The following CFAP58 variants were observed in gnomAD, a reference collection of about 807,000 sequenced individuals.
CFAP58 encodes the protein cilia- and flagella-associated protein 58.
A neutral mutation model predicts 119.5 loss-of-function variants in CFAP58; 88 were observed. The ratio of observed to expected loss-of-function variants is 0.74; its 90% CI spans 0.62 to 0.88. The LOEUF (loss-of-function observed/expected upper bound fraction) is 0.88. CFAP58 is among the 40% of genes least tolerant of loss of function. CFAP58 has a pLI of 0.00. For synonymous variants in CFAP58, 365 were observed against 366.3 expected (o/e 1.00, Z 0.04); for missense variants, 990 against 1,021.2 (o/e 0.97, Z 0.42).
chr10:104,389,634 T>C (rs931512150), intron 9 of CFAP58, among the ~76,000 whole-genome samples: 1 of 152,210 alleles, frequency 6.6e-6, no homozygotes, highest in Non-Finnish European at 1.5e-5. Flanking sequence ...GATTATCCAT[T>C]CTATGGTGAA....
chr10:104,370,956 A>T lies in CFAP58; in HGVS notation c.992A>T (p.Glu331Val). 6.2e-7 allele frequency: 1 copy of T among 1,613,856 alleles called. No individual in the cohort carries two copies. The highest frequency in any genetic ancestry group is 8.5e-7 in the Non-Finnish European group (1 of 1,179,954). The change falls in exon 7 of 18, where the codon GAA becomes GTA. Residue 331 changes from glutamate to valine, a missense_variant. Glu to Val is a moderately radical substitution (Grantham distance 121). Transcript: ENST00000369704. Reference sequence around the variant, plus strand: ...ATCGGGAAGCTCAACAAAATCAGAGAACAAATTCATAAGAAATTGCACCAC... The same window carrying T: ...ATCGGGAAGCTCAACAAAATCAGAGTACAAATTCATAAGAAATTGCACCAC... ...LDIGKLNKIR[E>V]QIHKKLHHTE...
At chr10:104,378,733 C>T (rs775003769) in intron 8 of CFAP58, among the ~76,000 whole-genome samples, 3 of 152,130 alleles carry the variant, frequency 2.0e-5, no homozygotes, top group Non-Finnish European at 2.9e-5. Context: ...AATCTAAAGG[C>T]CCTATTTCAA....
At position 104,454,733 on chromosome 10, in the gene CFAP58, C is replaced by G. The variant is rs2013253729; in HGVS notation, c.*203C>G. ...GTTGATATTAACAGATCATAATTCT[C>G]TCTGTTCAGTTAGGCTGACCTATTG... On this transcript the variant is annotated 3_prime_UTR_variant, in exon 18 of 18. Coordinates refer to ENST00000369704, the MANE Select transcript of CFAP58 (RefSeq NM_001008723.2). 4 of 537,510 alleles carry G rather than the reference C, an allele frequency of 7.4e-6. No individual in the cohort carries two copies. The Admixed American group carries it at 1.0e-4, about 14-fold the overall frequency. 33.3% of individuals were successfully genotyped at this position (537,510 alleles called of 1,614,324 possible).
intron 9 of CFAP58, chr10:104,382,458 G>C: frequency 2.3e-6 from 1 of 436,058 alleles, no homozygotes; most frequent in Non-Finnish European, 4.2e-6. Context: ...AAAAATTCCA[G>C]TGTGGTTTTA....
At chr10:104,446,885 C>T (rs976523048) in intron 15 of CFAP58, among the ~76,000 whole-genome samples, 4 of 152,206 alleles carry the variant, frequency 2.6e-5, no homozygotes, top group Non-Finnish European at 5.9e-5. Context: ...ACAGAATTAT[C>T]ATTTGCTTAG....
intron 13 of CFAP58, 107 bp from the exon 14 acceptor site, chr10:104,403,622 A>T (rs2012306096): frequency 1.6e-6 from 1 of 607,236 alleles, no homozygotes; most frequent in South Asian, 2.8e-5. Flanking sequence ...ATTCTCCCTA[A>T]CTCCAACTTT....
upstream of CFAP58, among the ~76,000 whole-genome samples, chr10:104,352,357 T>C (rs1210516431): frequency 6.6e-6 from 1 of 152,182 alleles, no homozygotes; most frequent in African/African-American, 2.4e-5. Flanking sequence ...CTGGGCATCG[T>C]TGTGCTCTTG....
At chr10:104,364,427 AACACACACACAC>A (rs66757511) in intron 3 of CFAP58, among the ~76,000 whole-genome samples, 46 of 142,240 alleles carry the variant, frequency 3.2e-4, no homozygotes, top group East Asian at 1.0e-3. Context: ...ATGTCTGTAA[AACACACACACAC>A]ACACACACAC....
At chr10:104,370,046 C>T (rs1052426761) in intron 6 of CFAP58, among the ~76,000 whole-genome samples, 1 of 152,076 alleles carries the variant, frequency 6.6e-6, no homozygotes, top group Non-Finnish European at 1.5e-5. Context: ...TACCTAGAGA[C>T]CAACATACTT....
chr10:104,362,832 C>T (rs1048582768), intron 3 of CFAP58, among the ~76,000 whole-genome samples: 1 of 152,224 alleles, frequency 6.6e-6, no homozygotes. Flanking sequence ...CTTTCAATAG[C>T]TACCCATACC....
chr10:104,339,435 C>T, the CFAP58 span, among the ~76,000 whole-genome samples: 47 of 152,318 alleles, frequency 3.1e-4, no homozygotes, highest in African/African-American at 1.1e-3. Flanking sequence ...TTGACCTGCC[C>T]AAATCCTACC....
intron 15 of CFAP58, among the ~76,000 whole-genome samples, chr10:104,442,488 T>G (rs1256161273): frequency 6.6e-6 from 1 of 151,020 alleles, no homozygotes; most frequent in Non-Finnish European, 1.5e-5. Context: ...CTCAGGAGGC[T>G]GAGGCAGGAT....
At chr10:104,446,749 T>C (rs1444640280) in intron 15 of CFAP58, among the ~76,000 whole-genome samples, 1 of 152,242 alleles carries the variant, frequency 6.6e-6, no homozygotes, top group Non-Finnish European at 1.5e-5. Flanking sequence ...AGAATTGAGA[T>C]GCTTTAGAAA....
intron 1 of CFAP58, among the ~76,000 whole-genome samples, chr10:104,354,143 G>C (rs966470904): frequency 6.6e-6 from 1 of 152,180 alleles, no homozygotes; most frequent in Non-Finnish European, 1.5e-5. Context: ...GCTATGCTAA[G>C]TGCGGTAGAA....
At position 104,450,197 on chromosome 10, in the gene CFAP58, C is replaced by A. The variant is rs530850465; in HGVS notation, c.2503C>A (p.Leu835Ile). 1.7e-5 allele frequency: 27 copies of A among 1,611,634 alleles called. 1 individual carries two copies. The South Asian group carries it at 3.0e-4, about 18-fold the overall frequency. ...CCTCGCTCAGAAACGTAAAGAACAA[C>A]TTCAAAAGTAAGAATTAGTCAAACG... ...KYLAQKRKEQ[L>I]QKNKDTAPMD... The change falls in exon 17 of 18, where the codon CTT becomes ATT. Residue 835 changes from leucine to isoleucine, a missense_variant. Leu to Ile is a conservative substitution (Grantham distance 5). Transcript: ENST00000369704.
chr10:104,450,172 C>T lies in CFAP58; in HGVS notation c.2478C>T (p.Tyr826=). 2 of 1,613,064 alleles carry T rather than the reference C, an allele frequency of 1.2e-6. No homozygotes were observed. The highest frequency in any genetic ancestry group is 2.2e-5 in the South Asian group (2 of 90,778). Residue 826 remains tyrosine, a synonymous_variant, in exon 17 of 18, where the codon TAC becomes TAT. Coordinates refer to ENST00000369704, the MANE Select transcript of CFAP58 (RefSeq NM_001008723.2). ...AGCTCCAGAATTTAAAGAAGAAATA[C>T]CTCGCTCAGAAACGTAAAGAACAAC... The part of the protein sequence containing the change: ...TNELQNLKKK[Y]LAQKRKEQLQ...
rs376184609 is a variant in CFAP58 at position 104,378,581 on chromosome 10, T to C, written c.1174-1448T>C. ...TTCTTGGGATGAAAGCATCTCTCTCTGCCAGTTGACTTCCTGCTGAGTTTT... is the reference window on the plus strand; with the variant it reads ...TTCTTGGGATGAAAGCATCTCTCTCCGCCAGTTGACTTCCTGCTGAGTTTT... On this transcript the variant is annotated intron_variant, in intron 8 of 17. Transcript: ENST00000369704. Among the ~76,000 whole-genome samples, 7 of 152,334 alleles carry C rather than the reference T, an allele frequency of 4.6e-5. No individual in the cohort carries two copies. The South Asian group carries it at 6.2e-4, about 14-fold the overall frequency.
chr10:104,430,864 C>A (rs2012833698), intron 15 of CFAP58, among the ~76,000 whole-genome samples: 1 of 152,162 alleles, frequency 6.6e-6, no homozygotes, highest in Non-Finnish European at 1.5e-5. Context: ...TATATCACTT[C>A]AACATGAAAT....
At chr10:104,371,405 G>A (rs116299574) in intron 7 of CFAP58, among the ~76,000 whole-genome samples, 1,854 of 152,288 alleles carry the variant, frequency 0.012, 37 homozygotes, top group African/African-American at 0.036. Context: ...TAGTGAATAC[G>A]TTAGAATGAA....
Sources: allele counts gnomAD v4.1 joint callset (sites outside exome capture counted in the v4.1 genomes callset), GRCh38; gene constraint gnomAD v4.1.1; transcripts MANE v1.5; gene names NCBI Gene and HGNC (gene_info 2026-07-23, HGNC 2026-07-21).